MAP7D2: variants seen among roughly 807,000 people sequenced by gnomAD.
MAP7D2 encodes the protein MAP7 domain containing 2.
In MAP7D2, 33 loss-of-function variants were observed where a neutral mutation model predicts 63.5. The observed-to-expected ratio is 0.52, with a 90% CI of 0.39 to 0.70. The LOEUF (loss-of-function observed/expected upper bound fraction) is 0.70, where lower values mean the gene tolerates loss of function less well. Ranked by LOEUF, MAP7D2 falls within the 30% of genes least tolerant of loss-of-function variation. The pLI is 0.00. For missense variants in MAP7D2, 626 were observed against 604.0 expected, an observed-to-expected ratio of 1.04 and a Z score of -0.38; for synonymous variants, 224 against 223.7, an observed-to-expected ratio of 1.00 and a Z score of -0.01.
At chrX:20,107,156 T>C (rs754795425) in intron 1 of MAP7D2, among the ~76,000 whole-genome samples, 50 of 110,945 alleles carry the variant, frequency 4.5e-4, no homozygotes, top group Admixed American at 1.5e-3. Context: ...TGCTCATCCT[T>C]GGAGAGGATT....
chrX:20,047,648 C>G (rs986536190), intron 6 of MAP7D2, among the ~76,000 whole-genome samples: 1 of 59,531 alleles, frequency 1.7e-5, no homozygotes, highest in South Asian at 8.7e-4. Context: ...CCTATCTCTA[C>G]AAAAAAAAAA....
chrX:20,109,459 G>T (rs908814061), intron 1 of MAP7D2, among the ~76,000 whole-genome samples: 1 of 100,316 alleles, frequency 1.0e-5, no homozygotes, highest in Non-Finnish European at 2.0e-5. Context: ...GGCGGAGGTT[G>T]CAGTGAGCCA....
intron 4 of MAP7D2, chrX:20,055,688 G>A: frequency 1.3e-6 from 1 of 755,642 alleles, no homozygotes; most frequent in Non-Finnish European, 1.8e-6. Flanking sequence ...AGGATGATCA[G>A]AACAGTTATC....
In MAP7D2 at chrX:20,110,261, G is replaced by A. The variant is rs1651260314; in HGVS notation, c.130+6489C>T. 3.7e-5 allele frequency among the ~76,000 whole-genome samples: 4 copies of A among 109,482 alleles called. No homozygotes were observed. The South Asian group carries it at 1.6e-3, about 44-fold the overall frequency. On this transcript the variant is annotated intron_variant, in intron 1 of 16. Transcript: ENST00000379643. ...CCAGCACTTTGGGAGGCTGAGGTGG[G>A]CAGATCACTTGAGGTCAGGAGTTCA...
At chrX:20,024,485 C>A (rs2073771120) in intron 10 of MAP7D2, among the ~76,000 whole-genome samples, 1 of 112,393 alleles carries the variant, frequency 8.9e-6, no homozygotes, top group Non-Finnish European at 1.9e-5. Context: ...CTAGGGGACA[C>A]TGCTCAACCC....
At chrX:20,018,320 T>C (rs1381669001) in intron 10 of MAP7D2, among the ~76,000 whole-genome samples, 3 of 110,043 alleles carry the variant, frequency 2.7e-5, no homozygotes, top group Non-Finnish European at 5.7e-5. Flanking sequence ...TGCACACATG[T>C]AAGAACATCC....
chrX:20,091,938 A>G lies in MAP7D2; in HGVS notation c.130+24812T>C, dbSNP rs375800645. On this transcript the variant is annotated intron_variant, in intron 1 of 16. Transcript: ENST00000379643. ...CAATAGTAAATGATAAATTTTTTAA[A>G]TTATCCACAAGAAATTATAATATCT... Among the ~76,000 whole-genome samples the G allele has an allele frequency of 3.6e-5, 4 of 112,195 alleles. No individual in the cohort carries two copies. The South Asian group carries it at 1.5e-3, about 42-fold the overall frequency.
At chrX:20,030,704 A>T (rs1313885030) in intron 8 of MAP7D2, among the ~76,000 whole-genome samples, 2 of 111,994 alleles carry the variant, frequency 1.8e-5, no homozygotes, top group East Asian at 5.6e-4. Context: ...TGGCTTCATC[A>T]GCACAGCTCA....
At chrX:20,068,321 C>A (rs987982280) in intron 1 of MAP7D2, among the ~76,000 whole-genome samples, 1 of 112,200 alleles carries the variant, frequency 8.9e-6, no homozygotes, top group Non-Finnish European at 1.9e-5. Context: ...CCTGGCAGCT[C>A]CCTCCTGTGA....
chrX:20,053,056 C>T lies in MAP7D2; in HGVS notation c.485-68G>A, dbSNP rs200817913. On this transcript the variant is annotated intron_variant, in intron 4 of 16. Transcript: ENST00000379643. ...CTGTAGAACCAAGAAACACATATCC[C>T]GAAGTGTCCTTCCTGTCCTCATCCA... The T allele has an allele frequency of 1.5e-4, 118 of 810,437 alleles. 1 individual carries two copies. The East Asian group carries it at 3.0e-3, about 21-fold the overall frequency. The allele number at this position is 810,437 out of a possible 1,213,427, so 66.8% of individuals were successfully genotyped here.
chrX:20,116,368 G>C (rs1046667861), intron 1 of MAP7D2, among the ~76,000 whole-genome samples: 1 of 112,412 alleles, frequency 8.9e-6, no homozygotes, highest in African/African-American at 3.2e-5. Flanking sequence ...GAGCGCGCGC[G>C]GAGGCCGGGG....
At chrX:20,019,007 T>C (rs1042452277) in intron 10 of MAP7D2, among the ~76,000 whole-genome samples, 2 of 110,048 alleles carry the variant, frequency 1.8e-5, no homozygotes, top group Non-Finnish European at 3.8e-5. Context: ...CCAAAGTTCA[T>C]CAGCTCTGTG....
intron 6 of MAP7D2, among the ~76,000 whole-genome samples, chrX:20,046,088 G>T (rs2064792276): frequency 8.9e-6 from 1 of 112,196 alleles, no homozygotes; most frequent in Non-Finnish European, 1.9e-5. Flanking sequence ...TTTCTGCTAT[G>T]ACTTTTGTCT....
intron 1 of MAP7D2, among the ~76,000 whole-genome samples, chrX:20,111,520 G>A (rs1026363658): frequency 6.3e-5 from 7 of 111,360 alleles, no homozygotes; most frequent in Middle Eastern, 9.3e-3. Context: ...ATTGCAACGC[G>A]TGTCTGCACC....
Position 20,050,472 on chromosome X carries a change from A to G in MAP7D2, c.718+352T>C, listed in dbSNP as rs558799207. ...AAAGAAGTTAATTAACTTACCCCCA[A>G]TGGTGAGAGCTAGTGAGTGGTAGAG... On this transcript the variant is annotated intron_variant, in intron 6 of 16. Transcript: ENST00000379643. Among the ~76,000 whole-genome samples the G allele has an allele frequency of 5.4e-5, 6 of 112,010 alleles. No individual in the cohort carries two copies. In the South Asian group the frequency reaches 1.5e-3, roughly 28 times the overall value.
chrX:20,042,496 G>T lies in MAP7D2; in HGVS notation c.1007+6C>A. Reference sequence around the variant, plus strand: ...AGACTGTCTGGCAAAGGGGAGAGATGCTTACTTGGATATCACAGGAGAAGA... The same window carrying T: ...AGACTGTCTGGCAAAGGGGAGAGATTCTTACTTGGATATCACAGGAGAAGA... On this transcript the variant is annotated splice_donor_region_variant and intron_variant, in intron 8 of 16. Transcript: ENST00000379643. 1 of 1,210,819 alleles carries T rather than the reference G, an allele frequency of 8.3e-7. No individual in the cohort carries two copies. Among genetic ancestry groups the T allele is most frequent in the Non-Finnish European group, 1.1e-6 (1 of 894,739 alleles).
chrX:20,084,265 T>C (rs111265475), intron 1 of MAP7D2, among the ~76,000 whole-genome samples: 7 of 109,370 alleles, frequency 6.4e-5, no homozygotes, highest in African/African-American at 2.0e-4. Context: ...AAGCCTGCTG[T>C]AGTAAGCTAC....
In MAP7D2 at chrX:20,052,964, G is replaced by A; in HGVS notation, c.509C>T (p.Thr170Ile). ...HDACDKLSTSTMSLPKPTEPP... is the reference protein window; with the variant it reads ...HDACDKLSTSIMSLPKPTEPP... ...CTCCGTTGGCTTTGGCAAACTCATA[G>A]TTGATGTTGAAAGTTTGTCACATGC... Residue 170 changes from threonine (T) to isoleucine (I), a missense_variant, in exon 5 of 17, where the codon ACT (threonine) becomes ATT (isoleucine). Physicochemically the swap from Thr to Ile is moderately conservative, Grantham distance 89. Transcript: ENST00000379643. The A allele has an allele frequency of 1.7e-6, 2 of 1,208,362 alleles. No individual in the cohort carries two copies. The highest frequency in any genetic ancestry group is 3.5e-5 in the South Asian group (2 of 56,912).
At chrX:20,071,153 T>G (rs2148410638) in intron 1 of MAP7D2, among the ~76,000 whole-genome samples, 1 of 112,548 alleles carries the variant, frequency 8.9e-6, no homozygotes, top group South Asian at 3.7e-4. Context: ...AGGCATCCTC[T>G]GCTCTGTGGA....
Sources: gnomAD v4.1 joint callset for allele counts (sites outside exome capture counted in the v4.1 genomes callset) on GRCh38, gnomAD v4.1.1 for gene constraint, MANE v1.5 for transcripts, NCBI Gene and HGNC (gene_info 2026-07-23, HGNC 2026-07-21) for gene names.